The following RNMT variants were observed in gnomAD, a reference collection of about 807,000 sequenced individuals.
RNMT encodes the protein RNA guanine-7 methyltransferase.
In RNMT, 27 loss-of-function variants were observed where a neutral mutation model predicts 56.0. The observed-to-expected ratio is 0.48, with a 90% CI of 0.36 to 0.67. The LOEUF is 0.67. Ranked by LOEUF, RNMT falls within the 30% of genes least tolerant of loss-of-function variation. RNMT has a pLI of 0.00. For synonymous variants in RNMT, 184 were observed against 176.2 expected (o/e 1.04, Z -0.35); for missense variants, 519 against 552.1 (o/e 0.94, Z 0.60).
chr18:13,749,471 C>T (rs890982838), intron 9 of RNMT, among the ~76,000 whole-genome samples: 1 of 152,126 alleles, frequency 6.6e-6, no homozygotes, highest in Admixed American at 6.5e-5. Context: ...CCTAAACTTG[C>T]TGCAGGATGT....
At chr18:13,745,878 G>A (rs1306891053) in intron 8 of RNMT, among the ~76,000 whole-genome samples, 2 of 152,182 alleles carry the variant, frequency 1.3e-5, no homozygotes, top group African/African-American at 2.4e-5. Context: ...GTTGGCAGCT[G>A]TTTGCAGTGC....
intron 11 of RNMT, among the ~76,000 whole-genome samples, chr18:13,757,434 T>A (rs1315652827): frequency 6.6e-6 from 1 of 152,228 alleles, no homozygotes; most frequent in East Asian, 1.9e-4. Context: ...CTTTATCAAC[T>A]AAGTTTTTGT....
intron 3 of RNMT, among the ~76,000 whole-genome samples, chr18:13,732,724 AAC>A (rs1342553976): frequency 4.8e-5 from 7 of 146,724 alleles, no homozygotes; most frequent in Non-Finnish European, 1.0e-4. Context: ...GAATTCTTGT[AAC>A]AGAGGGGAGC....
intron 8 of RNMT, 60 bp from the exon 9 acceptor site, chr18:13,746,160 G>C: frequency 5.8e-6 from 5 of 859,236 alleles, no homozygotes; most frequent in South Asian, 4.9e-5. Flanking sequence ...CTGTACAAAA[G>C]TAAGTTGAGG....
In RNMT at chr18:13,760,441, G is replaced by A. The variant is rs1003464971; in HGVS notation, c.*462G>A. The A allele has an allele frequency of 4.1e-6, 4 of 985,506 alleles. No individual in the cohort carries two copies. Among genetic ancestry groups the A allele is most frequent in the South Asian group, 4.7e-5 (1 of 21,292 alleles). The allele number at this position is 985,506 out of a possible 1,614,324, so 61.0% of individuals were successfully genotyped here. ...CATTTAATGGTCTGTACAGTTGAATGTAAGTGTTCAATATGTATTGCTGAA... is the reference window on the plus strand; with the variant it reads ...CATTTAATGGTCTGTACAGTTGAATATAAGTGTTCAATATGTATTGCTGAA... On this transcript the variant is annotated 3_prime_UTR_variant, in exon 12 of 12. Transcript: ENST00000383314.
rs955835200 is a variant in RNMT, at chr18:13,761,596, G to A, written c.*1617G>A. ...TGGGGGAGAGAAGAATCCTCCAAACGATGGAGTAGCCAGTGGTAATACAAA... is the reference window on the plus strand; with the variant it reads ...TGGGGGAGAGAAGAATCCTCCAAACAATGGAGTAGCCAGTGGTAATACAAA... On this transcript the variant is annotated 3_prime_UTR_variant, in exon 12 of 12. Transcript: ENST00000383314. 1.6e-5 allele frequency: 16 copies of A among 992,468 alleles called. No homozygotes were observed. Among genetic ancestry groups the A allele is most frequent in the Non-Finnish European group, 1.9e-5 (16 of 833,952 alleles). The allele number at this position is 992,468 out of a possible 1,614,324, so 61.5% of individuals were successfully genotyped here.
intron 9 of RNMT, among the ~76,000 whole-genome samples, chr18:13,750,875 T>G (rs966948853): frequency 1.3e-5 from 2 of 152,170 alleles, no homozygotes; most frequent in African/African-American, 4.8e-5. Flanking sequence ...AAGGATTCCC[T>G]ATTTAATAAA....
At chr18:13,759,468 C>T (rs1046073876) in intron 11 of RNMT, among the ~76,000 whole-genome samples, 21 of 152,072 alleles carry the variant, frequency 1.4e-4, no homozygotes, top group Non-Finnish European at 2.9e-4. Flanking sequence ...TTCACAAGGC[C>T]CTACAACACA....
At chr18:13,751,083 AG>A (rs2044436035) in intron 9 of RNMT, among the ~76,000 whole-genome samples, 1 of 152,208 alleles carries the variant, frequency 6.6e-6, no homozygotes, top group Non-Finnish European at 1.5e-5. Context: ...AAACACCAAA[AG>A]CAATTGCAAC....
intron 10 of RNMT, among the ~76,000 whole-genome samples, chr18:13,753,613 C>T (rs539223111): frequency 6.0e-5 from 9 of 150,336 alleles, no homozygotes; most frequent in East Asian, 3.9e-4. Flanking sequence ...TTACTAAAAA[C>T]GCAAAAAGTT....
At chr18:13,733,984 C>T (rs1211458972) in intron 3 of RNMT, among the ~76,000 whole-genome samples, 1 of 152,220 alleles carries the variant, frequency 6.6e-6, no homozygotes, top group East Asian at 1.9e-4. Flanking sequence ...ATAATTCCCA[C>T]ATGTGTGGGA....
At position 13,752,265 on chromosome 18, in the gene RNMT, T is replaced by A. The variant is rs1170600792; in HGVS notation, c.1258-61T>A. 2.0e-5 allele frequency: 19 copies of A among 953,132 alleles called. No homozygotes were observed. In the East Asian group the frequency reaches 4.6e-4, roughly 23 times the overall value. 59.0% of individuals were successfully genotyped at this position (953,132 alleles called of 1,614,324 possible). A position where few individuals can be genotyped will look rare whatever the true frequency, so the allele number is the denominator to read the frequency against. The stretch of plus-strand genomic sequence containing the variant: ...ATTATGTTATTTCAGTGATTTAGCA[T>A]GTTTAATTCTGAATTGTAAATTTCC... On this transcript the variant is annotated intron_variant, in intron 9 of 11. Transcript: ENST00000383314.
intron 6 of RNMT, 129 bp downstream of exon 6, chr18:13,740,408 C>G: frequency 1.7e-6 from 1 of 592,878 alleles, no homozygotes; most frequent in Non-Finnish European, 2.9e-6. Context: ...CAGGGTCTTA[C>G]TCTGTCACCT....
At chr18:13,759,672 A>G (rs1388043769) in intron 11 of RNMT, among the ~76,000 whole-genome samples, 1 of 152,010 alleles carries the variant, frequency 6.6e-6, no homozygotes, top group East Asian at 1.9e-4. Context: ...CCTTAAACTG[A>G]TTTTTAGAGC....
chr18:13,728,796 T>A (rs1472478992), intron 1 of RNMT, among the ~76,000 whole-genome samples: 2 of 152,194 alleles, frequency 1.3e-5, no homozygotes, highest in African/African-American at 4.8e-5. Flanking sequence ...AAGAAATGTC[T>A]ATTCAGATCT....
intron 3 of RNMT, among the ~76,000 whole-genome samples, chr18:13,732,272 T>A (rs542739220): frequency 1.6e-3 from 238 of 152,284 alleles, no homozygotes; most frequent in African/African-American, 5.3e-3. Context: ...CAAAGCTCAC[T>A]GCAGCCACAA....
At chr18:13,731,012 A>G (rs1407245730) in intron 2 of RNMT, among the ~76,000 whole-genome samples, 3 of 152,250 alleles carry the variant, frequency 2.0e-5, no homozygotes, top group Non-Finnish European at 4.4e-5. Context: ...TATAATTAGT[A>G]CTGCCATATT....
rs544296041 is a variant in RNMT, at chr18:13,763,205, C to T, written c.*3226C>T. 834 of 451,462 alleles carry T rather than the reference C, an allele frequency of 1.8e-3. 2 individuals are homozygous for T. Among genetic ancestry groups the T allele is most frequent in the Non-Finnish European group, 2.6e-3 (592 of 224,032 alleles). 28.0% of individuals were successfully genotyped at this position (451,462 alleles called of 1,614,324 possible). On this transcript the variant is annotated 3_prime_UTR_variant, in exon 12 of 12. Coordinates refer to ENST00000383314, the MANE Select transcript of RNMT (RefSeq NM_003799.3). ...TGCACACTTGACAAGTGTTTTCATT[C>T]CCCGCCCTCTGACAGAACAACATTC...
chr18:13,745,892 T>C (rs1167358851), intron 8 of RNMT, among the ~76,000 whole-genome samples: 2 of 152,206 alleles, frequency 1.3e-5, no homozygotes, highest in African/African-American at 2.4e-5. Context: ...GCAGTGCAGC[T>C]GTGAGAGATC....
Sources: gnomAD v4.1 joint callset for allele counts (sites outside exome capture counted in the v4.1 genomes callset) on GRCh38, gnomAD v4.1.1 for gene constraint, MANE v1.5 for transcripts, NCBI Gene and HGNC (gene_info 2026-07-23, HGNC 2026-07-21) for gene names.